The following OTOF variants were observed in gnomAD, a reference collection of about 807,000 sequenced individuals.
OTOF encodes the protein fer-1-like family member 2.
In OTOF, 218 loss-of-function variants were observed where a neutral mutation model predicts 236.8. The ratio of observed to expected loss-of-function variants is 0.92; its 90% CI spans 0.82 to 1.03. OTOF has a LOEUF of 1.03. Among genes scored for constraint, OTOF ranks in the 50% least tolerant of loss-of-function variants. OTOF has a pLI of 0.00. For synonymous variants in OTOF, 1,041 were observed against 1,072.5 expected (o/e 0.97, Z 0.57); for missense variants, 2,590 against 2,694.4 (o/e 0.96, Z 0.86).
chr2:26,518,582 T>G (rs1016953168), intron 4 of OTOF, among the ~76,000 whole-genome samples: 3 of 152,256 alleles, frequency 2.0e-5, no homozygotes, highest in Non-Finnish European at 2.9e-5. Flanking sequence ...CACGCAAAAG[T>G]GCTGGGATGT....
In OTOF at chr2:26,461,763, G is replaced by A. The variant is rs753580324; in HGVS notation, c.5466C>T (p.Tyr1822=). The change falls in exon 43 of 47, where the codon TAC becomes TAT. Residue 1822 remains tyrosine (Y), a synonymous_variant. Coordinates refer to ENST00000272371, the MANE Select transcript of OTOF (RefSeq NM_194248.3). This position sits in a 1 kb window ranked among gnomAD's most constrained non-coding sequence, Gnocchi z 6.2. The part of the protein sequence containing the change: ...ESMFSWDETE[Y]KIPARLTLQI... ...GCAGGGTGAGCCGCGCGGGGATCTT[G>A]TACTCGGTCTCGTCCCAGGAGAACA... is the stretch of plus-strand genomic sequence containing the variant. 18 of 1,614,170 alleles carry A rather than the reference G, an allele frequency of 1.1e-5. No homozygotes were observed. The East Asian group carries it at 3.8e-4, about 34-fold the overall frequency.
intron 4 of OTOF, 86 bp from the exon 5 acceptor site, chr2:26,516,685 C>T (rs576341166): frequency 5.3e-4 from 746 of 1,406,964 alleles, no homozygotes; most frequent in Non-Finnish European, 7.1e-4. Flanking sequence ...GGTGTTTACA[C>T]AGCGCTTCCA....
intron 36 of OTOF, 54 bp downstream of exon 36, chr2:26,466,660 C>G: frequency 1.2e-6 from 2 of 1,609,314 alleles, no homozygotes; most frequent in Non-Finnish European, 8.5e-7. Flanking sequence ...TTTGCTCTCT[C>G]CCAGATGGGA....
chr2:26,484,843 A>G (rs1665663604), intron 11 of OTOF, among the ~76,000 whole-genome samples: 1 of 152,174 alleles, frequency 6.6e-6, no homozygotes, highest in Non-Finnish European at 1.5e-5. Flanking sequence ...TGGCCTGCCC[A>G]TGGACATATA....
chr2:26,466,487 G>T (rs558161543), intron 36 of OTOF, among the ~76,000 whole-genome samples: 12 of 152,256 alleles, frequency 7.9e-5, no homozygotes, highest in African/African-American at 2.9e-4. Flanking sequence ...CAGGTGCGTG[G>T]CACTGTGCCT....
chr2:26,488,441 C>T (rs1165874700), intron 11 of OTOF, among the ~76,000 whole-genome samples: 1 of 152,180 alleles, frequency 6.6e-6, no homozygotes, highest in Non-Finnish European at 1.5e-5. Context: ...GAGGCACTTC[C>T]TCTGCCTGGC....
intron 32 of OTOF, 49 bp from the exon 33 acceptor site, chr2:26,468,523 G>T (rs1238543770): frequency 2.7e-6 from 4 of 1,476,860 alleles, no homozygotes; most frequent in Middle Eastern, 3.4e-4. Flanking sequence ...TCCTGGGGAG[G>T]AGTCTGTTGA....
At chr2:26,519,261 G>C in intron 3 of OTOF, 152 bp from the exon 4 acceptor site, 1 of 657,194 alleles carries the variant, frequency 1.5e-6, no homozygotes, top group Non-Finnish European at 2.7e-6. Context: ...CAGGAGCCAG[G>C]ACTGGTTGCA....
intron 9 of OTOF, among the ~76,000 whole-genome samples, chr2:26,491,337 A>G (rs565475306): frequency 6.6e-6 from 1 of 152,230 alleles, no homozygotes; most frequent in African/African-American, 2.4e-5. Context: ...GGAGGAAGTG[A>G]GGACAACCCA....
intron 4 of OTOF, 34 bp from the exon 5 acceptor site, chr2:26,516,633 A>T (rs200324147): frequency 6.3e-7 from 1 of 1,597,146 alleles, no homozygotes; most frequent in East Asian, 2.2e-5. Context: ...AGCAGCTGGG[A>T]TGGTGACAGC....
At chr2:26,516,817 G>A (rs1380216896) in intron 4 of OTOF, among the ~76,000 whole-genome samples, 1 of 152,098 alleles carries the variant, frequency 6.6e-6, no homozygotes, top group Non-Finnish European at 1.5e-5. Flanking sequence ...CTGGTACCTG[G>A]CTCCAGGTCC....
Position 26,485,039 on chromosome 2 carries a change from G to A in OTOF, c.1046-406C>T, listed in dbSNP as rs145480617. Among the ~76,000 whole-genome samples, 496 of 152,266 alleles carry A rather than the reference G, an allele frequency of 3.3e-3. 9 individuals carry two copies. In the Middle Eastern group the frequency reaches 0.061, roughly 19 times the overall value. On this transcript the variant is annotated intron_variant, in intron 11 of 46. Transcript: ENST00000272371. ...GCTCCCCATCTTCAGCCCCTCTGGG[G>A]CTTCCCAGTGCCTTGGGGTGAAGAC...
At chr2:26,491,353 T>A (rs1409896253) in intron 9 of OTOF, among the ~76,000 whole-genome samples, 2 of 151,914 alleles carry the variant, frequency 1.3e-5, no homozygotes, top group Non-Finnish European at 2.9e-5. Flanking sequence ...ACCCAAGTGG[T>A]CTGACTGTGG....
intron 5 of OTOF, among the ~76,000 whole-genome samples, chr2:26,506,053 C>A (rs759957534): frequency 9.2e-5 from 14 of 152,154 alleles, no homozygotes; most frequent in Non-Finnish European, 2.1e-4. Flanking sequence ...GCTGGCTTGC[C>A]CTGAAGCATC....
At chr2:26,464,272 C>T (rs1161806169) in intron 39 of OTOF, among the ~76,000 whole-genome samples, 166 bp from the exon 40 acceptor site, 2 of 152,092 alleles carry the variant, frequency 1.3e-5, no homozygotes, top group African/African-American at 2.4e-5. Flanking sequence ...AAGTGGCTTG[C>T]CCAGGGTCTC....
rs560665036 is a variant in OTOF, at chr2:26,467,107, G to A, written c.4354C>T (p.Arg1452Cys). Residue 1452 changes from arginine (R) to cysteine (C), a missense_variant, in exon 35 of 47, where the codon CGC (arginine) becomes TGC (cysteine). Around this residue, in one of 2 missense-constraint regions of OTOF, gnomAD observed 1,211 missense variants for 1,352.8 expected, o/e 0.90. Coordinates refer to ENST00000272371, the MANE Select transcript of OTOF (RefSeq NM_194248.3). ...CGTGCTCCTGGCCTGACCTTGAAGCGTCCCACAATGCGCTCCTCCTCGGTG... is the reference window on the plus strand; with the variant it reads ...CGTGCTCCTGGCCTGACCTTGAAGCATCCCACAATGCGCTCCTCCTCGGTG... ...GSTEEERIVG[R>C]FKGSLCVYKV... 30 of 1,613,338 alleles carry A rather than the reference G, an allele frequency of 1.9e-5. 1 individual carries two copies. Among genetic ancestry groups the A allele is most frequent in the South Asian group, 5.5e-5 (5 of 91,074 alleles).
chr2:26,491,069 C>T (rs1665829671), intron 9 of OTOF, among the ~76,000 whole-genome samples: 1 of 151,956 alleles, frequency 6.6e-6, no homozygotes, highest in South Asian at 2.1e-4. Context: ...GGTCAGGGCT[C>T]CAAGAAGACA....
At chr2:26,483,167 G>A (rs1376525558) in intron 13 of OTOF, among the ~76,000 whole-genome samples, 8 of 150,220 alleles carry the variant, frequency 5.3e-5, no homozygotes, top group Admixed American at 3.3e-4. Context: ...GTATGCGTGC[G>A]TGTGTGAGTT....
Position 26,474,577 on chromosome 2 carries a change from T to C in OTOF, c.3224A>G (p.Tyr1075Cys), listed in dbSNP as rs778717110. 13 of 1,613,094 alleles carry C rather than the reference T, an allele frequency of 8.1e-6. No individual in the cohort carries two copies. The East Asian group carries it at 2.9e-4, about 36-fold the overall frequency. ...CPPRFPPQLEYYQIYRGNATA... is the reference protein window; with the variant it reads ...CPPRFPPQLECYQIYRGNATA... ...GGCGTTGCCACGGTAGATCTGGTAG[T>C]ACTCGAGCTGAGGTGGGAAGCGGGG... Residue 1075 changes from tyrosine to cysteine, a missense_variant, in exon 26 of 47, where the codon TAC becomes TGC. By Grantham distance (194) the Tyr-to-Cys change is radical. This residue lies in a region of OTOF where 1,211 missense variants were observed against 1,352.8 expected (regional missense o/e 0.90). Transcript: ENST00000272371.
Sources: allele counts gnomAD v4.1 joint callset (sites outside exome capture counted in the v4.1 genomes callset), GRCh38; gene constraint gnomAD v4.1.1; regional missense constraint gnomAD v4.1.1; non-coding constraint Gnocchi (gnomAD v3.1); transcripts MANE v1.5; gene names NCBI Gene and HGNC (gene_info 2026-07-23, HGNC 2026-07-21).